The following HECTD4 variants were observed in gnomAD, a reference collection of about 807,000 sequenced individuals.
HECTD4 encodes the protein probable E3 ubiquitin-protein ligase HECTD4.
Under a neutral mutation model 471.5 loss-of-function variants are expected in HECTD4, and 114 were observed. The ratio of observed to expected loss-of-function variants is 0.24; its 90% CI spans 0.21 to 0.28. The LOEUF (loss-of-function observed/expected upper bound fraction) is 0.28, where lower values mean the gene tolerates loss of function less well. Among genes scored for constraint, HECTD4 ranks in the 10% least tolerant of loss-of-function variants. The probability of loss-of-function intolerance (pLI) is 1.00; values close to 1 mark genes in which losing one functional copy is unlikely to be tolerated. For missense variants in HECTD4, 3,866 were observed against 5,651.5 expected (o/e 0.68, Z 10.13); for synonymous variants, 2,012 against 2,256.0 (o/e 0.89, Z 3.07).
In HECTD4 at chr12:112,228,129, C is replaced by T. The variant is rs758653336; in HGVS notation, c.6814G>A (p.Val2272Met). Residue 2272 changes from valine (V) to methionine (M), a missense_variant, in exon 43 of 76, where the codon GTG becomes ATG. By Grantham distance (21) the Val-to-Met change is conservative. This residue lies in a region of HECTD4 where 617 missense variants were observed against 915.1 expected (regional missense o/e 0.67). Coordinates refer to ENST00000682272, the MANE Select transcript of HECTD4 (RefSeq NM_001388303.1). The surrounding 1 kb of genome is among the most constrained non-coding windows in gnomAD (Gnocchi z 4.9). Reference sequence around the variant, plus strand: ...GCAAGGAGCCGAACGACTGCCATCACAGGAGCTGACCCATCTCCTGTTGCA... The same window carrying T: ...GCAAGGAGCCGAACGACTGCCATCATAGGAGCTGACCCATCTCCTGTTGCA... ...LPATGDGSAPVMAVVRLLAEI... is the reference protein window; with the variant it reads ...LPATGDGSAPMMAVVRLLAEI... 2 of 1,613,436 alleles carry T rather than the reference C, an allele frequency of 1.2e-6. No homozygotes were observed. The highest frequency in any genetic ancestry group is 1.3e-5 in the African/African-American group (1 of 74,888).
At chr12:112,301,800 G>GTTT in intron 7 of HECTD4, 4 of 476,398 alleles carry the variant, frequency 8.4e-6, no homozygotes, top group Admixed American at 3.4e-5. Flanking sequence ...TCAGCTAGCT[G>GTTT]TTTTTTTTTT....
chr12:112,191,910 C>T (rs1456211551), intron 59 of HECTD4, among the ~76,000 whole-genome samples: 2 of 152,140 alleles, frequency 1.3e-5, no homozygotes, highest in African/African-American at 2.4e-5. Flanking sequence ...GGCAAACACG[C>T]GTCAGTCTTT....
chr12:112,203,547 TA>T, intron 54 of HECTD4, 88 bp downstream of exon 54: 1 of 1,086,190 alleles, frequency 9.2e-7, no homozygotes. Context: ...CTCATCTGTA[TA>T]ATCACTTTTT....
At chr12:112,217,300 T>G in intron 45 of HECTD4, 105 bp from the exon 46 acceptor site, 1 of 603,650 alleles carries the variant, frequency 1.7e-6, no homozygotes, top group East Asian at 3.2e-5. Flanking sequence ...AATATAGGCA[T>G]ACACACACAC....
chr12:112,227,608 T>C (rs2033275494), intron 43 of HECTD4, among the ~76,000 whole-genome samples: 1 of 152,232 alleles, frequency 6.6e-6, no homozygotes, highest in Non-Finnish European at 1.5e-5. Context: ...ATAGGCCAGA[T>C]ATGTATCAAT....
At position 112,183,219 on chromosome 12, in the gene HECTD4, G is replaced by A; in HGVS notation, c.10827C>T (p.Asn3609=). ...TTGACAAACCAATCAAGTCATTATT[G>A]TTAAATAAACTTGCTCGAATTTTCT... ...KIEKIRASLF[N]NNDLIGLSSL... Residue 3609 remains asparagine, a synonymous_variant, in exon 62 of 76, where the codon AAC becomes AAT. Transcript: ENST00000682272. 1 of 1,613,846 alleles carries A rather than the reference G, an allele frequency of 6.2e-7. No individual in the cohort carries two copies. The highest frequency in any genetic ancestry group is 8.5e-7 in the Non-Finnish European group (1 of 1,179,872).
chr12:112,208,457 G>C, intron 51 of HECTD4, 37 bp downstream of exon 51: 2 of 1,506,354 alleles, frequency 1.3e-6, no homozygotes, highest in African/African-American at 2.8e-5. Flanking sequence ...CTAAGCAAAT[G>C]CTGCTGAGTC....
At chr12:112,177,458 C>A (rs1052995207) in intron 64 of HECTD4, among the ~76,000 whole-genome samples, 1 of 149,718 alleles carries the variant, frequency 6.7e-6, no homozygotes, top group African/African-American at 2.5e-5. Context: ...CGGCTCACTG[C>A]AAGCTCCGCC....
chr12:112,242,279 G>A (rs1196460273), intron 32 of HECTD4, among the ~76,000 whole-genome samples: 1 of 152,158 alleles, frequency 6.6e-6, no homozygotes, highest in Non-Finnish European at 1.5e-5. Flanking sequence ...AATTTTTTTA[G>A]AAAAGGTCAT....
At chr12:112,378,018 C>T (rs896070003) in intron 1 of HECTD4, among the ~76,000 whole-genome samples, 8 of 152,110 alleles carry the variant, frequency 5.3e-5, no homozygotes, top group Non-Finnish European at 7.3e-5. Context: ...CTTTGAGCAG[C>T]GCTTACAGGG....
At chr12:112,268,672 C>A (rs1242751132) in intron 13 of HECTD4, among the ~76,000 whole-genome samples, 1 of 151,654 alleles carries the variant, frequency 6.6e-6, no homozygotes, top group African/African-American at 2.4e-5. Flanking sequence ...AGGAGAATCA[C>A]TTGAAGCCAG....
intron 38 of HECTD4, among the ~76,000 whole-genome samples, chr12:112,231,955 C>T (rs182892445): frequency 3.9e-5 from 6 of 152,028 alleles, no homozygotes; most frequent in African/African-American, 1.5e-4. Flanking sequence ...CACAGGGCCC[C>T]GACACAGACT....
At chr12:112,217,282 G>T in intron 45 of HECTD4, 87 bp from the exon 46 acceptor site, 5 of 1,074,982 alleles carry the variant, frequency 4.7e-6, no homozygotes, top group South Asian at 2.5e-5. Context: ...TTTATCTGAT[G>T]GTATTAAAAT....
At position 112,232,973 on chromosome 12, in the gene HECTD4, G is replaced by A. The variant is rs776792707; in HGVS notation, c.5997+31C>T. ...AGCATGACAAATACTCTACAATTTC[G>A]GGTTTCATCGTTTTAACCTCATGAG... On this transcript the variant is annotated intron_variant, in intron 38 of 75. Transcript: ENST00000682272. 1.0e-4 allele frequency: 158 copies of A among 1,531,092 alleles called. No homozygotes were observed. In the East Asian group the frequency reaches 3.0e-3, roughly 29 times the overall value. The allele number at this position is 1,531,092 out of a possible 1,614,324, so 94.8% of individuals were successfully genotyped here. A position where few individuals can be genotyped will look rare whatever the true frequency, so the allele number is the denominator to read the frequency against.
rs2032717559 is a variant in HECTD4 at position 112,210,117 on chromosome 12, T to C, written c.7765A>G (p.Met2589Val). 6.2e-7 allele frequency: 1 copy of C among 1,613,998 alleles called. No homozygotes were observed. The highest frequency in any genetic ancestry group is 8.5e-7 in the Non-Finnish European group (1 of 1,179,892). ...GCATCATTGTCACTGTCAGATGCCA[T>C]GGCGAAAGGCAGGGCCTCAAAGTTA... Reference protein sequence around the residue: ...SANFEALPFAMASDSDNDAGT... With the variant: ...SANFEALPFAVASDSDNDAGT... The change falls in exon 50 of 76, where the codon ATG (methionine) becomes GTG (valine). Residue 2589 changes from methionine (M) to valine (V), a missense_variant. By Grantham distance (21) the Met-to-Val change is conservative (BLOSUM62 1). Coordinates refer to ENST00000682272, the MANE Select transcript of HECTD4 (RefSeq NM_001388303.1).
intron 1 of HECTD4, among the ~76,000 whole-genome samples, chr12:112,323,965 TCTTCCTTCCTTCCTTCCTTC>T (rs1248538588): frequency 1.4e-3 from 60 of 43,974 alleles, no homozygotes; most frequent in Admixed American, 2.2e-3. Flanking sequence ...TTTCTTTCTT[TCTTCCTTCCTTCCTTCCTTC>T]CTTCCTTCCT....
chr12:112,274,205 A>C (rs972361668), intron 10 of HECTD4, among the ~76,000 whole-genome samples: 1 of 152,246 alleles, frequency 6.6e-6, no homozygotes, highest in Non-Finnish European at 1.5e-5. Flanking sequence ...GAGAAAGTCC[A>C]GTATATTACT....
In HECTD4 at chr12:112,324,029, C is replaced by T. The variant is rs868139141; in HGVS notation, c.178-4287G>A. Among the ~76,000 whole-genome samples the T allele has an allele frequency of 0.015, 388 of 26,110 alleles. 40 individuals are homozygous for T. The East Asian group carries it at 0.24, about 16-fold the overall frequency. 17.1% of individuals were successfully genotyped at this position (26,110 alleles called of 152,430 possible). On this transcript the variant is annotated intron_variant, in intron 1 of 75. Transcript: ENST00000682272. ...TCCTTCCTTCCTTCCTTCCTTCCTT[C>T]CTTCCTTCCTTCCTTCCTTTCTTTC...
At chr12:112,231,387 A>G (rs2135566933) in intron 39 of HECTD4, 126 bp downstream of exon 39, 1 of 835,146 alleles carries the variant, frequency 1.2e-6, no homozygotes, top group Admixed American at 2.1e-5. Context: ...TGCAACTACT[A>G]CAGCAGATGG....
Sources: gnomAD v4.1 joint callset for allele counts (sites outside exome capture counted in the v4.1 genomes callset) on GRCh38, gnomAD v4.1.1 for gene constraint, gnomAD v4.1.1 regional missense constraint, Gnocchi (gnomAD v3.1) non-coding constraint, MANE v1.5 for transcripts, NCBI Gene and HGNC (gene_info 2026-07-23, HGNC 2026-07-21) for gene names.